Variants in CWF19L2 observed in about 807,000 individuals in gnomAD.
The protein encoded by CWF19L2 is CWF19 like cell cycle control factor 2, also known as CWF19-like protein 2.
A neutral mutation model predicts 111.7 loss-of-function variants in CWF19L2; 98 were observed. That is an observed-to-expected ratio of 0.88 (90% CI 0.75 to 1.04). CWF19L2 has a LOEUF of 1.04. CWF19L2 is among the 50% of genes least tolerant of loss of function. The pLI is 0.00. For synonymous variants in CWF19L2, 351 were observed against 342.9 expected (o/e 1.02, Z -0.26); for missense variants, 1,101 against 1,051.4 (o/e 1.05, Z -0.65).
In CWF19L2 at chr11:107,455,776, C is replaced by T. The variant is rs1352937039; in HGVS notation, c.106G>A (p.Ala36Thr). 2 of 1,536,500 alleles carry T rather than the reference C, an allele frequency of 1.3e-6. No homozygotes were observed. Among genetic ancestry groups the T allele is most frequent in the Admixed American group, 2.1e-5 (1 of 48,640 alleles). ...TCTTCTTTTTCAAAATTGGCTTTAG[C>T]CTACAACCAAAGAAAAAAAAAAGAC... ...RNARAEVLRQ[A>T]KANFEKEERR... The change falls in exon 2 of 18, where the codon GCT (alanine) becomes ACT (threonine). Residue 36 changes from alanine (A) to threonine (T), a missense_variant and splice_region_variant. Coordinates refer to ENST00000282251, the MANE Select transcript of CWF19L2 (RefSeq NM_152434.3).
At position 107,391,408 on chromosome 11, in the gene CWF19L2, G is replaced by A. The variant is rs776701530; in HGVS notation, c.1735-1197C>T. ...TCAGACAATGAAGCTGCCATTCCAA[G>A]TCCTAATCTTGGACTTCTCAGTCTC... is the stretch of plus-strand genomic sequence containing the variant. On this transcript the variant is annotated intron_variant, in intron 11 of 17. Coordinates refer to ENST00000282251, the MANE Select transcript of CWF19L2 (RefSeq NM_152434.3). Among the ~76,000 whole-genome samples, 5 of 152,126 alleles carry A rather than the reference G, an allele frequency of 3.3e-5. 1 individual carries two copies. Among genetic ancestry groups the A allele is most frequent in the South Asian group, 4.1e-4 (2 of 4,832 alleles).
chr11:107,403,662 C>T (rs1251253017), intron 10 of CWF19L2: 2 of 776,078 alleles, frequency 2.6e-6, no homozygotes, highest in African/African-American at 1.7e-5. Context: ...TTGTTTGGTG[C>T]TTGTTCTTCC....
At chr11:107,406,042 T>C (rs937828115) in intron 10 of CWF19L2, among the ~76,000 whole-genome samples, 14 of 152,134 alleles carry the variant, frequency 9.2e-5, no homozygotes, top group Non-Finnish European at 2.1e-4. Context: ...GAAGAAAGTC[T>C]GGAAAAAGCT....
intron 15 of CWF19L2, among the ~76,000 whole-genome samples, chr11:107,335,723 C>A (rs1043494863): frequency 6.6e-6 from 1 of 151,806 alleles, no homozygotes; most frequent in Non-Finnish European, 1.5e-5. Flanking sequence ...GAAAGAAAAG[C>A]CAGAGTGATA....
intron 3 of CWF19L2, among the ~76,000 whole-genome samples, chr11:107,445,449 C>T (rs1041406586): frequency 4.6e-5 from 7 of 152,034 alleles, no homozygotes; most frequent in Non-Finnish European, 7.4e-5. Flanking sequence ...ACTAAAAATA[C>T]AAAAATTAGC....
At chr11:107,446,455 A>G (rs1861703268) in intron 3 of CWF19L2, among the ~76,000 whole-genome samples, 1 of 152,228 alleles carries the variant, frequency 6.6e-6, no homozygotes, top group South Asian at 2.1e-4. Flanking sequence ...GCATCATTTA[A>G]TCAACAAGTT....
intron 12 of CWF19L2, among the ~76,000 whole-genome samples, chr11:107,379,319 T>C (rs1860646067): frequency 6.6e-6 from 1 of 151,896 alleles, no homozygotes; most frequent in South Asian, 2.1e-4. Flanking sequence ...TTTCTGGCTG[T>C]CACAACTTAG....
intron 16 of CWF19L2, 74 bp downstream of exon 16, chr11:107,334,807 C>T (rs1859897900): frequency 1.1e-6 from 1 of 951,914 alleles, no homozygotes; most frequent in African/African-American, 1.6e-5. Context: ...GTCCCTTTGT[C>T]AACTAAGACA....
intron 11 of CWF19L2, among the ~76,000 whole-genome samples, chr11:107,390,765 C>T (rs1406650692): frequency 6.6e-6 from 1 of 152,126 alleles, no homozygotes; most frequent in East Asian, 1.9e-4. Flanking sequence ...ATGGTTAATA[C>T]TGAGTGTCAA....
At chr11:107,381,324 T>C (rs1342257799) in intron 12 of CWF19L2, among the ~76,000 whole-genome samples, 1 of 152,160 alleles carries the variant, frequency 6.6e-6, no homozygotes, top group Non-Finnish European at 1.5e-5. Context: ...CCCACCTTCC[T>C]CCCACTCCCA....
At position 107,370,797 on chromosome 11, in the gene CWF19L2, T is replaced by C. The variant is rs1484998627; in HGVS notation, c.1873-17061A>G. 1.5e-5 allele frequency among the ~76,000 whole-genome samples: 2 copies of C among 137,314 alleles called. 1 individual carries two copies. Among genetic ancestry groups the C allele is most frequent in the African/African-American group, 5.8e-5 (2 of 34,310 alleles). The allele number at this position is 137,314 out of a possible 152,430, so 90.1% of individuals were successfully genotyped here. ...TTTGACAAACAGGTGGCAATGTTTT[T>C]CATTAGAATATTTGTATGTCCAAAA... On this transcript the variant is annotated intron_variant, in intron 12 of 17. Coordinates refer to ENST00000282251, the MANE Select transcript of CWF19L2 (RefSeq NM_152434.3).
At position 107,442,874 on chromosome 11, in the gene CWF19L2, G is replaced by A. The variant is rs1273638375; in HGVS notation, c.450+65C>T. 2 of 885,472 alleles carry A rather than the reference G, an allele frequency of 2.3e-6. 1 individual carries two copies. Among genetic ancestry groups the A allele is most frequent in the East Asian group, 5.7e-5 (2 of 34,994 alleles). The allele number at this position is 885,472 out of a possible 1,614,324, so 54.9% of individuals were successfully genotyped here. On this transcript the variant is annotated intron_variant, in intron 4 of 17. Coordinates refer to ENST00000282251, the MANE Select transcript of CWF19L2 (RefSeq NM_152434.3). ...AGGGAGGGATAGAGAGGGAAGGAGG[G>A]AGGGAGGGAGGAAGGAAGGAAGGAA...
At chr11:107,430,800 T>C (rs997729769) in intron 7 of CWF19L2, among the ~76,000 whole-genome samples, 8 of 151,856 alleles carry the variant, frequency 5.3e-5, no homozygotes, top group African/African-American at 1.9e-4. Flanking sequence ...CGATGTACAG[T>C]ATGAGGACTA....
intron 1 of CWF19L2, among the ~76,000 whole-genome samples, chr11:107,456,503 C>T (rs1280425644): frequency 6.6e-6 from 1 of 151,870 alleles, no homozygotes; most frequent in African/African-American, 2.4e-5. Context: ...CGAAACAATA[C>T]CAACATTTCA....
chr11:107,369,748 C>G (rs1336350655), intron 12 of CWF19L2, among the ~76,000 whole-genome samples: 1 of 138,262 alleles, frequency 7.2e-6, no homozygotes, highest in Admixed American at 7.1e-5. Flanking sequence ...CAAAGTGGAA[C>G]TAGAGCCAAC....
At chr11:107,367,853 T>C (rs1428201947) in intron 12 of CWF19L2, among the ~76,000 whole-genome samples, 1 of 137,140 alleles carries the variant, frequency 7.3e-6, no homozygotes, top group Non-Finnish European at 1.6e-5. Flanking sequence ...ATGCTACTGA[T>C]TTTTGTACAC....
At position 107,371,609 on chromosome 11, in the gene CWF19L2, T is replaced by C. The variant is rs1163983879; in HGVS notation, c.1873-17873A>G. On this transcript the variant is annotated intron_variant, in intron 12 of 17. Transcript: ENST00000282251. ...GAGGTTCTAGTTATACACTAAAATATACTGAAAGAATATCATCATTTTTGA... is the reference window on the plus strand; with the variant it reads ...GAGGTTCTAGTTATACACTAAAATACACTGAAAGAATATCATCATTTTTGA... 6.5e-5 allele frequency among the ~76,000 whole-genome samples: 9 copies of C among 138,120 alleles called. 4 individuals carry two copies. The highest frequency in any genetic ancestry group is 2.3e-4 in the African/African-American group (8 of 34,698). The allele number at this position is 138,120 out of a possible 152,430, so 90.6% of individuals were successfully genotyped here.
chr11:107,451,622 C>T (rs962397109), intron 3 of CWF19L2, among the ~76,000 whole-genome samples: 7 of 151,832 alleles, frequency 4.6e-5, no homozygotes, highest in Non-Finnish European at 5.9e-5. Flanking sequence ...CTATGGATTC[C>T]GTAAACATTA....
At chr11:107,363,260 T>C (rs1860385755) in intron 12 of CWF19L2, among the ~76,000 whole-genome samples, 1 of 152,154 alleles carries the variant, frequency 6.6e-6, no homozygotes, top group South Asian at 2.1e-4. Flanking sequence ...CGGGATATTA[T>C]CCAGGAGAAC....
Sources: gnomAD v4.1 joint callset for allele counts (sites outside exome capture counted in the v4.1 genomes callset) on GRCh38, gnomAD v4.1.1 for gene constraint, MANE v1.5 for transcripts, NCBI Gene and HGNC (gene_info 2026-07-23, HGNC 2026-07-21) for gene names.